MAST4: variants seen among roughly 807,000 people sequenced by gnomAD.
MAST4 encodes the protein microtubule-associated serine/threonine-protein kinase 4.
Under a neutral mutation model 162.7 loss-of-function variants are expected in MAST4, and 89 were observed. That is an observed-to-expected ratio of 0.55 (90% CI 0.46 to 0.65). The LOEUF is 0.65. MAST4 is among the 30% of genes least tolerant of loss of function. The pLI is 0.00. For missense variants in MAST4, 3,153 were observed against 3,374.0 expected, an observed-to-expected ratio of 0.93 and a Z score of 1.62; for synonymous variants, 1,479 against 1,361.1, an observed-to-expected ratio of 1.09 and a Z score of -1.91.
chr5:66,835,710 G>T (rs1757918373), intron 3 of MAST4, among the ~76,000 whole-genome samples: 1 of 152,094 alleles, frequency 6.6e-6, no homozygotes, highest in Non-Finnish European at 1.5e-5. Context: ...GAATTTACTT[G>T]AAACTTATAT....
chr5:67,040,088 A>G (rs927046763), intron 4 of MAST4, among the ~76,000 whole-genome samples: 2 of 152,088 alleles, frequency 1.3e-5, no homozygotes, highest in Admixed American at 6.6e-5. Context: ...CAATGTGGGC[A>G]TTAATTCTTC....
intron 1 of MAST4, among the ~76,000 whole-genome samples, chr5:66,756,938 C>T (rs550934484): frequency 6.6e-6 from 1 of 152,304 alleles, no homozygotes; most frequent in Non-Finnish European, 1.5e-5. Flanking sequence ...ATACTCCCTT[C>T]TTGTGATTTT....
intron 4 of MAST4, chr5:66,986,407 A>G (rs1463699479): frequency 1.5e-6 from 2 of 1,333,504 alleles, no homozygotes. Context: ...GTAAATGTGC[A>G]TCATATCACT....
chr5:67,145,084 T>G lies in MAST4; in HGVS notation c.2859-60T>G, dbSNP rs189148683. The G allele has an allele frequency of 7.1e-6, 10 of 1,406,684 alleles. No individual in the cohort carries two copies. The African/African-American group carries it at 1.4e-4, about 20-fold the overall frequency. The allele number at this position is 1,406,684 out of a possible 1,614,324, so 87.1% of individuals were successfully genotyped here. ...GATTTTCACCTGGTTTCTTCCAAAA[T>G]TCACCTTTAACACAGTTTTCTAGTA... On this transcript the variant is annotated intron_variant, in intron 22 of 28. Transcript: ENST00000403625.
At chr5:66,951,219 G>A (rs1407748263) in intron 4 of MAST4, among the ~76,000 whole-genome samples, 2 of 152,164 alleles carry the variant, frequency 1.3e-5, no homozygotes, top group Non-Finnish European at 2.9e-5. Context: ...CTTTCAGGTT[G>A]TATCACTTGG....
chr5:66,600,206 T>A (rs1364064501), intron 1 of MAST4, among the ~76,000 whole-genome samples: 1 of 152,236 alleles, frequency 6.6e-6, no homozygotes, highest in African/African-American at 2.4e-5. Flanking sequence ...AGTTTTTATG[T>A]CAAACACATG....
chr5:66,877,509 A>C (rs562087869), intron 3 of MAST4, among the ~76,000 whole-genome samples: 2 of 152,334 alleles, frequency 1.3e-5, no homozygotes, highest in African/African-American at 4.8e-5. Context: ...TCTGGCTTTA[A>C]GCCCCTGTTC....
At chr5:67,136,260 G>A (rs957845876) in intron 18 of MAST4, among the ~76,000 whole-genome samples, 16 of 152,236 alleles carry the variant, frequency 1.1e-4, no homozygotes, top group African/African-American at 3.6e-4. Flanking sequence ...CAACTTTTTG[G>A]AAGCCAATTC....
chr5:66,793,265 C>T (rs1202059438), intron 3 of MAST4, among the ~76,000 whole-genome samples: 3 of 152,210 alleles, frequency 2.0e-5, no homozygotes, highest in Non-Finnish European at 2.9e-5. Context: ...CCTAAGTAGC[C>T]TGGTAGCTGG....
At chr5:67,136,456 G>T (rs1769656668) in intron 18 of MAST4, 107 bp from the exon 19 acceptor site, 2 of 748,006 alleles carry the variant, frequency 2.7e-6, no homozygotes. Context: ...GTCCGGAGTG[G>T]GCCTGAAATT....
At chr5:66,957,217 A>G (rs866195050) in intron 4 of MAST4, among the ~76,000 whole-genome samples, 2 of 152,134 alleles carry the variant, frequency 1.3e-5, no homozygotes, top group Non-Finnish European at 2.9e-5. Flanking sequence ...TTTTTGTTAT[A>G]GGGTGGTAAC....
At chr5:66,893,246 C>G (rs1762471180) in intron 3 of MAST4, among the ~76,000 whole-genome samples, 1 of 152,076 alleles carries the variant, frequency 6.6e-6, no homozygotes, top group Admixed American at 6.6e-5. Context: ...TGCTCTTTAG[C>G]CCAGGCTGGA....
intron 3 of MAST4, among the ~76,000 whole-genome samples, chr5:66,865,259 A>C (rs1760424119): frequency 6.6e-6 from 1 of 152,248 alleles, no homozygotes; most frequent in Middle Eastern, 3.2e-3. Context: ...CATACATGCC[A>C]GCTATGGTGA....
chr5:66,683,818 G>A (rs981395012), intron 1 of MAST4, among the ~76,000 whole-genome samples: 6 of 152,146 alleles, frequency 3.9e-5, no homozygotes, highest in Non-Finnish European at 8.8e-5. Flanking sequence ...TAGGCCAAAG[G>A]TTGAACATTT....
chr5:66,987,687 C>T (rs902929493), intron 4 of MAST4, among the ~76,000 whole-genome samples: 1 of 152,012 alleles, frequency 6.6e-6, no homozygotes, highest in African/African-American at 2.4e-5. Flanking sequence ...ATATTTCAAG[C>T]CGTACAGATC....
chr5:66,781,703 T>A (rs1754878199), intron 2 of MAST4, among the ~76,000 whole-genome samples: 1 of 152,242 alleles, frequency 6.6e-6, no homozygotes, highest in Non-Finnish European at 1.5e-5. Context: ...AGCTTTGTTG[T>A]ATAGTTACTA....
chr5:66,598,924 C>T (rs1317690931), intron 1 of MAST4, among the ~76,000 whole-genome samples: 2 of 152,062 alleles, frequency 1.3e-5, no homozygotes, highest in Admixed American at 6.5e-5. Flanking sequence ...ATTTCACAGG[C>T]AATGCAGTGA....
At chr5:67,076,361 G>C (rs1301847633) in intron 5 of MAST4, among the ~76,000 whole-genome samples, 1 of 151,926 alleles carries the variant, frequency 6.6e-6, no homozygotes, top group Non-Finnish European at 1.5e-5. Context: ...CTTTCTCTTG[G>C]GTCTGAACCT....
At chr5:66,743,759 A>AG (rs891376982) in intron 1 of MAST4, among the ~76,000 whole-genome samples, 1 of 152,206 alleles carries the variant, frequency 6.6e-6, no homozygotes, top group African/African-American at 2.4e-5. Flanking sequence ...ATGCTGTGCC[A>AG]GGGGGCTGCT....
Sources: gnomAD v4.1 joint callset for allele counts (sites outside exome capture counted in the v4.1 genomes callset) on GRCh38, gnomAD v4.1.1 for gene constraint, MANE v1.5 for transcripts, NCBI Gene and HGNC (gene_info 2026-07-23, HGNC 2026-07-21) for gene names.